The following BBS9 variants were observed in gnomAD, a reference collection of about 807,000 sequenced individuals.
BBS9 encodes Bardet-Biedl syndrome 9, also known as protein PTHB1.
In BBS9, 89 loss-of-function variants were observed where a neutral mutation model predicts 117.7. The ratio of observed to expected loss-of-function variants is 0.76; its 90% CI spans 0.64 to 0.90. BBS9 has a LOEUF of 0.90. Ranked by LOEUF, BBS9 falls within the 40% of genes least tolerant of loss-of-function variation. BBS9 has a pLI of 0.00. For synonymous variants in BBS9, 379 were observed against 370.9 expected (o/e 1.02, Z -0.25); for missense variants, 982 against 1,042.2 (o/e 0.94, Z 0.80).
Position 33,596,385 on chromosome 7 carries a change from ATC to A in BBS9, c.2522-8478_2522-8477del, listed in dbSNP as rs879939341. On this transcript the variant is annotated intron_variant, in intron 21 of 22. Transcript: ENST00000242067. ...TATCTATCTATCTATCTATCTATCTATCTATCTATATATAATTAGTCAAAAAA... is the reference window on the plus strand; with the variant it reads ...TATCTATCTATCTATCTATCTATCTATATCTATATATAATTAGTCAAAAAA... Among the ~76,000 whole-genome samples the A allele has an allele frequency of 2.5e-4, 37 of 150,878 alleles. 1 individual carries two copies. The highest frequency in any genetic ancestry group is 8.5e-4 in the African/African-American group (35 of 40,948).
intron 21 of BBS9, among the ~76,000 whole-genome samples, chr7:33,598,689 G>A (rs190343190): frequency 1.4e-4 from 22 of 152,188 alleles, no homozygotes; most frequent in Middle Eastern, 3.4e-3. Context: ...TTTTTTTACC[G>A]TTACCCAACA....
intron 19 of BBS9, among the ~76,000 whole-genome samples, chr7:33,414,106 G>A (rs1831593081): frequency 2.0e-5 from 3 of 152,272 alleles, no homozygotes; most frequent in Middle Eastern, 3.4e-3. Flanking sequence ...CTTCCCAGAG[G>A]AGACTGAGAA....
chr7:33,152,518 T>C (rs1393312814), intron 2 of BBS9, among the ~76,000 whole-genome samples, 183 bp from the exon 3 acceptor site: 1 of 152,234 alleles, frequency 6.6e-6, no homozygotes, highest in Admixed American at 6.5e-5. Context: ...ATGAAAGCTG[T>C]GTGTTATTAA....
intron 9 of BBS9, among the ~76,000 whole-genome samples, chr7:33,309,579 A>T (rs1316863690): frequency 5.9e-5 from 9 of 152,218 alleles, no homozygotes; most frequent in Admixed American, 3.3e-4. Context: ...GTGATATTAT[A>T]AGAAATAAGA....
intron 5 of BBS9, among the ~76,000 whole-genome samples, chr7:33,244,712 T>C (rs1795069535): frequency 6.6e-6 from 1 of 152,172 alleles, no homozygotes; most frequent in Non-Finnish European, 1.5e-5. Flanking sequence ...AGGCTTATTT[T>C]GCATTTGAAG....
intron 2 of BBS9, among the ~76,000 whole-genome samples, chr7:33,146,720 A>T (rs896637328): frequency 2.1e-5 from 3 of 144,372 alleles, no homozygotes; most frequent in African/African-American, 8.1e-5. Context: ...AAAAAAAAAG[A>T]GATAAAAATG....
chr7:33,580,084 T>TA (rs1240351996), intron 21 of BBS9, among the ~76,000 whole-genome samples: 2 of 152,056 alleles, frequency 1.3e-5, no homozygotes, highest in South Asian at 2.1e-4. Context: ...TTTAATCTTT[T>TA]AAAAAATCCT....
intron 19 of BBS9, among the ~76,000 whole-genome samples, chr7:33,437,562 G>A (rs562716251): frequency 6.6e-6 from 1 of 152,114 alleles, no homozygotes; most frequent in Non-Finnish European, 1.5e-5. Flanking sequence ...TTAGATAACT[G>A]TGTATATGTC....
chr7:33,140,750 A>G (rs528518967), intron 1 of BBS9, among the ~76,000 whole-genome samples: 7 of 152,340 alleles, frequency 4.6e-5, no homozygotes, highest in Admixed American at 3.3e-4. Flanking sequence ...AAATTTAGTA[A>G]TCTGACAATT....
intron 9 of BBS9, among the ~76,000 whole-genome samples, chr7:33,304,854 A>C (rs1435745546): frequency 6.6e-6 from 1 of 152,162 alleles, no homozygotes. Flanking sequence ...GTGCTCTCTG[A>C]AACATGTGCT....
At chr7:33,427,073 T>A (rs573384449) in intron 19 of BBS9, among the ~76,000 whole-genome samples, 3 of 152,216 alleles carry the variant, frequency 2.0e-5, no homozygotes, top group Admixed American at 2.0e-4. Flanking sequence ...AGGGTTCTTC[T>A]CCTGTAACAC....
At chr7:33,299,259 G>T (rs1331283701) in intron 9 of BBS9, among the ~76,000 whole-genome samples, 1 of 151,998 alleles carries the variant, frequency 6.6e-6, no homozygotes, top group Non-Finnish European at 1.5e-5. Context: ...TCTTTCATCT[G>T]TTCTTATTTT....
At chr7:33,285,666 T>C (rs1341657792) in intron 9 of BBS9, among the ~76,000 whole-genome samples, 4 of 152,198 alleles carry the variant, frequency 2.6e-5, no homozygotes, top group Non-Finnish European at 4.4e-5. Flanking sequence ...AATGTCCTTA[T>C]AGCCATGTGG....
Position 33,351,237 on chromosome 7 carries a change from C to G in BBS9, c.1451C>G (p.Thr484Arg). The change falls in exon 14 of 23, where the codon ACA becomes AGA. Residue 484 changes from threonine (T) to arginine (R), a missense_variant. Thr to Arg is a moderately conservative substitution (Grantham distance 71, BLOSUM62 -1). Coordinates refer to ENST00000242067, the MANE Select transcript of BBS9 (RefSeq NM_198428.3). ...FEFMTPDLTR[T>R]VSFSVYLKRS... Reference sequence around the variant, plus strand: ...CTTATAGCACCAGATTTGACTAGAACAGTAAGCTTTTCTGTTTATCTGAAA... The same window carrying G: ...CTTATAGCACCAGATTTGACTAGAAGAGTAAGCTTTTCTGTTTATCTGAAA... 6.2e-7 allele frequency: 1 copy of G among 1,609,894 alleles called. No homozygotes were observed. The highest frequency in any genetic ancestry group is 8.5e-7 in the Non-Finnish European group (1 of 1,176,366).
At chr7:33,413,396 T>G (rs1218980345) in intron 19 of BBS9, among the ~76,000 whole-genome samples, 2 of 152,192 alleles carry the variant, frequency 1.3e-5, no homozygotes, top group Non-Finnish European at 2.9e-5. Flanking sequence ...ACAATGGTAA[T>G]TACAAAGTCA....
chr7:33,354,889 G>C (rs1475352348), intron 15 of BBS9, among the ~76,000 whole-genome samples: 1 of 152,038 alleles, frequency 6.6e-6, no homozygotes, highest in East Asian at 1.9e-4. Flanking sequence ...GTTAGGAAGG[G>C]AAATGTTTGA....
intron 5 of BBS9, among the ~76,000 whole-genome samples, chr7:33,235,352 C>G (rs1165932480): frequency 6.6e-6 from 1 of 152,040 alleles, no homozygotes; most frequent in Non-Finnish European, 1.5e-5. Context: ...ATATTTACTT[C>G]TAATTAAAAC....
At chr7:33,403,581 T>C (rs1829349958) in intron 19 of BBS9, among the ~76,000 whole-genome samples, 2 of 150,674 alleles carry the variant, frequency 1.3e-5, no homozygotes, top group African/African-American at 4.9e-5. Flanking sequence ...TTTTTTGTCC[T>C]TGCGATAGTT....
Position 33,605,408 on chromosome 7 carries a change from C to T in BBS9, c.*182C>T, listed in dbSNP as rs1349304390. On this transcript the variant is annotated 3_prime_UTR_variant, in exon 23 of 23. Coordinates refer to ENST00000242067, the MANE Select transcript of BBS9 (RefSeq NM_198428.3). The stretch of plus-strand genomic sequence containing the variant: ...ACTTCACTAGGAGAACTTGTAACAC[C>T]ATGGGGAAGTCAGCTGAAACTTGTC... The T allele has an allele frequency of 3.0e-6, 2 of 668,390 alleles. No individual in the cohort carries two copies. Among genetic ancestry groups the T allele is most frequent in the East Asian group, 5.4e-5 (2 of 36,718 alleles). The allele number at this position is 668,390 out of a possible 1,614,324, so 41.4% of individuals were successfully genotyped here. A position where few individuals can be genotyped will look rare whatever the true frequency, so the allele number is the denominator to read the frequency against.
Sources: allele counts gnomAD v4.1 joint callset (sites outside exome capture counted in the v4.1 genomes callset), GRCh38; gene constraint gnomAD v4.1.1; transcripts MANE v1.5; gene names NCBI Gene and HGNC (gene_info 2026-07-23, HGNC 2026-07-21).